PIAS1: variants seen among roughly 807,000 people sequenced by gnomAD.
PIAS1 encodes E3 SUMO-protein ligase PIAS1.
A neutral mutation model predicts 71.3 loss-of-function variants in PIAS1; 6 were observed. The observed-to-expected ratio is 0.08, with a 90% CI of 0.05 to 0.17. The LOEUF (loss-of-function observed/expected upper bound fraction) is 0.17, where lower values mean the gene tolerates loss of function less well. Ranked by LOEUF, PIAS1 falls within the 10% of genes least tolerant of loss-of-function variation. PIAS1 has a pLI of 1.00. For missense variants in PIAS1, 555 were observed against 793.6 expected, an observed-to-expected ratio of 0.70 and a Z score of 3.61; for synonymous variants, 303 against 292.9, an observed-to-expected ratio of 1.03 and a Z score of -0.35.
chr15:68,132,994 T>TC (rs906361521), intron 2 of PIAS1, among the ~76,000 whole-genome samples: 5 of 151,812 alleles, frequency 3.3e-5, no homozygotes, highest in Middle Eastern at 3.4e-3. Flanking sequence ...TTTTTTTTTT[T>TC]CCGAAAAAAG....
chr15:68,164,887 TTC>T (rs1207190465), intron 8 of PIAS1, 83 bp downstream of exon 8: 3 of 725,468 alleles, frequency 4.1e-6, no homozygotes, highest in Non-Finnish European at 7.0e-6. Flanking sequence ...ATTTGAGAAA[TTC>T]TGTTTGCTTC....
In PIAS1 at chr15:68,188,745, AT is replaced by A. The variant is rs2093103794; in HGVS notation, c.*913del. The A allele has an allele frequency of 2.0e-5, 3 of 152,320 alleles. No homozygotes were observed. The South Asian group carries it at 6.2e-4, about 32-fold the overall frequency. The allele number at this position is 152,320 out of a possible 1,614,324, so 9.4% of individuals were successfully genotyped here. On this transcript the variant is annotated 3_prime_UTR_variant, in exon 14 of 14. Transcript: ENST00000249636. Reference sequence around the variant, plus strand: ...TAAATCTGGATTGCCAGTATTGTGTATTTAAACCAAGTCTGTGAATACCTGC... The same window carrying A: ...TAAATCTGGATTGCCAGTATTGTGTATTAAACCAAGTCTGTGAATACCTGC...
intron 6 of PIAS1, among the ~76,000 whole-genome samples, chr15:68,147,940 T>C (rs1057187081): frequency 1.3e-5 from 2 of 152,196 alleles, no homozygotes; most frequent in Non-Finnish European, 2.9e-5. Flanking sequence ...TGAACTCATA[T>C]GTATCCACCA....
chr15:68,181,520 A>C, intron 12 of PIAS1, 166 bp downstream of exon 12: 1 of 601,120 alleles, frequency 1.7e-6, no homozygotes. Flanking sequence ...ATACTGACCC[A>C]GTTCGTTGAT....
At position 68,171,553 on chromosome 15, in the gene PIAS1, T is replaced by C. The variant is rs1212271192; in HGVS notation, c.1009-2179T>C. ...AGAAGGGAGTTACCAGTTTTTACTC[T>C]AGGTCCCTCCAGGTTATACTTCTGA... On this transcript the variant is annotated intron_variant, in intron 8 of 13. Coordinates refer to ENST00000249636, the MANE Select transcript of PIAS1 (RefSeq NM_016166.3). The surrounding 1 kb of genome is among the most constrained non-coding windows in gnomAD (Gnocchi z 4.4). Among the ~76,000 whole-genome samples the C allele has an allele frequency of 6.6e-6, 1 of 152,234 alleles. No individual in the cohort carries two copies. Among genetic ancestry groups the C allele is most frequent in the Non-Finnish European group, 1.5e-5 (1 of 68,046 alleles).
intron 2 of PIAS1, among the ~76,000 whole-genome samples, chr15:68,116,287 A>G (rs1365125228): frequency 6.6e-6 from 1 of 151,550 alleles, no homozygotes; most frequent in Non-Finnish European, 1.5e-5. Flanking sequence ...AGGGCTATTC[A>G]GGTTATCTTT....
intron 2 of PIAS1, among the ~76,000 whole-genome samples, chr15:68,100,883 G>A (rs2092417714): frequency 7.7e-6 from 1 of 129,600 alleles, no homozygotes; most frequent in African/African-American, 2.9e-5. Context: ...ATTGTGTTTT[G>A]TTGTTGTTTT....
chr15:68,128,631 CTG>C lies in PIAS1; in HGVS notation c.470-13313_470-13312del, dbSNP rs767224626. On this transcript the variant is annotated intron_variant, in intron 2 of 13. Transcript: ENST00000249636. Reference sequence around the variant, plus strand: ...AAAGCAGCAGATTCTAAAAATATGACTGTTTTTTATTAGAACATCATCTGTTA... The same window carrying C: ...AAAGCAGCAGATTCTAAAAATATGACTTTTTTATTAGAACATCATCTGTTA... 1.6e-4 allele frequency among the ~76,000 whole-genome samples: 25 copies of C among 152,086 alleles called. No individual in the cohort carries two copies. The East Asian group carries it at 3.9e-3, about 24-fold the overall frequency.
intron 2 of PIAS1, among the ~76,000 whole-genome samples, chr15:68,137,998 A>G (rs979496114): frequency 6.6e-6 from 1 of 152,088 alleles, no homozygotes; most frequent in African/African-American, 2.4e-5. Flanking sequence ...AATAAAAAAA[A>G]TTAGTCGGGC....
chr15:68,063,910 T>TAAA (rs34757549), intron 1 of PIAS1, among the ~76,000 whole-genome samples: 2 of 149,916 alleles, frequency 1.3e-5, no homozygotes. Context: ...CACTTGGAAT[T>TAAA]AAAAAAAAAA....
At position 68,176,583 on chromosome 15, in the gene PIAS1, A is replaced by C; in HGVS notation, c.1410A>C (p.Glu470Asp). ...IDLTIDSSSD[E>D]EEEEPSAKRT... ...TAACCATAGACAGTTCATCTGATGA[A>C]GAGGAAGAAGAGCCATCTGCCAAGA... is the stretch of plus-strand genomic sequence containing the variant. The change falls in exon 11 of 14, where the codon GAA (glutamate) becomes GAC (aspartate). Residue 470 changes from glutamate to aspartate, a missense_variant. Physicochemically the swap from Glu to Asp is conservative, Grantham distance 45. Transcript: ENST00000249636. The C allele has an allele frequency of 1.2e-6, 2 of 1,613,214 alleles. No individual in the cohort carries two copies. The highest frequency in any genetic ancestry group is 1.7e-6 in the Non-Finnish European group (2 of 1,179,468).
At chr15:68,162,812 G>A (rs1466408755) in intron 7 of PIAS1, among the ~76,000 whole-genome samples, 1 of 152,186 alleles carries the variant, frequency 6.6e-6, no homozygotes, top group African/African-American at 2.4e-5. Context: ...CTGGCCTCAA[G>A]CAATCCTCCT....
chr15:68,149,155 T>C (rs79553648), intron 6 of PIAS1, among the ~76,000 whole-genome samples: 1 of 152,084 alleles, frequency 6.6e-6, no homozygotes, highest in Non-Finnish European at 1.5e-5. Flanking sequence ...ATTATGAATT[T>C]ACTTTTGAAA....
At chr15:68,126,831 C>CT (rs11398406) in intron 2 of PIAS1, among the ~76,000 whole-genome samples, 6,342 of 146,282 alleles carry the variant, frequency 0.043, 346 homozygotes, top group African/African-American at 0.13. Context: ...TCCCAGCTAC[C>CT]TTTTTTTTTT....
rs548862839 is a variant in PIAS1 at position 68,114,236 on chromosome 15, C to T, written c.469+27486C>T. Among the ~76,000 whole-genome samples, 7 of 152,058 alleles carry T rather than the reference C, an allele frequency of 4.6e-5. No homozygotes were observed. In the South Asian group the frequency reaches 1.5e-3, roughly 32 times the overall value. ...ATATGTAAATTTGCTTATTTATGCT[C>T]TATACTTCATGTTTATATCTTGTCT... On this transcript the variant is annotated intron_variant, in intron 2 of 13. Coordinates refer to ENST00000249636, the MANE Select transcript of PIAS1 (RefSeq NM_016166.3).
intron 2 of PIAS1, among the ~76,000 whole-genome samples, chr15:68,088,176 G>GTGTATATATATGTATATA (rs150997979): frequency 1.4e-5 from 1 of 73,008 alleles, no homozygotes; most frequent in Admixed American, 1.5e-4. Context: ...TTATGTGTGT[G>GTGTATATATATGTATATA]TATATATATA....
chr15:68,083,350 A>G (rs1269224464), intron 1 of PIAS1, among the ~76,000 whole-genome samples: 1 of 152,136 alleles, frequency 6.6e-6, no homozygotes, highest in Admixed American at 6.5e-5. Flanking sequence ...TCATTTTAAA[A>G]AATACTGCAT....
intron 8 of PIAS1, among the ~76,000 whole-genome samples, chr15:68,165,932 T>A (rs2092955010): frequency 6.6e-6 from 1 of 152,184 alleles, no homozygotes; most frequent in Non-Finnish European, 1.5e-5. Context: ...CTTTTGATAC[T>A]GAGATCCTAT....
rs1259013673 is a variant in PIAS1, at chr15:68,173,815, G to A, written c.1092G>A (p.Gln364=). Reference sequence around the variant, plus strand: ...GTTTTGACGCAACTCTTTACATTCAGATGAATGAGAAAAAACCAACCTGGG... The same window carrying A: ...GTTTTGACGCAACTCTTTACATTCAAATGAATGAGAAAAAACCAACCTGGG... ...LQCFDATLYI[Q]MNEKKPTWVC... The change falls in exon 9 of 14, where the codon CAG becomes CAA. Residue 364 remains glutamine (Q), a synonymous_variant. Transcript: ENST00000249636. The surrounding 1 kb of genome is among the most constrained non-coding windows in gnomAD (Gnocchi z 4.3). The A allele has an allele frequency of 2.5e-6, 4 of 1,601,142 alleles. No individual in the cohort carries two copies. The East Asian group carries it at 6.7e-5, about 27-fold the overall frequency.
Sources: allele counts gnomAD v4.1 joint callset (sites outside exome capture counted in the v4.1 genomes callset), GRCh38; gene constraint gnomAD v4.1.1; non-coding constraint Gnocchi (gnomAD v3.1); transcripts MANE v1.5; gene names NCBI Gene and HGNC (gene_info 2026-07-23, HGNC 2026-07-21).